The following FCHSD2 variants were observed in gnomAD, a reference collection of about 807,000 sequenced individuals.
FCHSD2 encodes F-BAR and double SH3 domains protein 2.
A neutral mutation model predicts 108.1 loss-of-function variants in FCHSD2; 38 were observed. The observed-to-expected ratio is 0.35, with a 90% CI of 0.27 to 0.46. The LOEUF (loss-of-function observed/expected upper bound fraction) is 0.46. Among genes scored for constraint, FCHSD2 ranks in the 20% least tolerant of loss-of-function variants. The pLI is 1.00. For synonymous variants in FCHSD2, 279 were observed against 314.7 expected (o/e 0.89, Z 1.20); for missense variants, 751 against 897.8 (o/e 0.84, Z 2.09).
At chr11:72,941,674 C>G (rs888277936) in intron 8 of FCHSD2, among the ~76,000 whole-genome samples, 4 of 152,012 alleles carry the variant, frequency 2.6e-5, no homozygotes, top group Non-Finnish European at 5.9e-5. Flanking sequence ...CATATATGTA[C>G]GTTTGTTTAA....
At chr11:72,985,413 CTAA>C (rs940007109) in intron 6 of FCHSD2, among the ~76,000 whole-genome samples, 2 of 150,730 alleles carry the variant, frequency 1.3e-5, no homozygotes, top group African/African-American at 4.9e-5. Context: ...TTGGTGTCTC[CTAA>C]TAAACAAGAG....
At position 73,082,066 on chromosome 11, in the gene FCHSD2, G is replaced by A. The variant is rs1050024514; in HGVS notation, c.165+1629C>T. Among the ~76,000 whole-genome samples the A allele has an allele frequency of 3.3e-5, 5 of 151,942 alleles. No homozygotes were observed. The East Asian group carries it at 7.7e-4, about 24-fold the overall frequency. On this transcript the variant is annotated intron_variant, in intron 3 of 19. Transcript: ENST00000409418. ...AAAAATACAAAAATCGGCTGGGCGC[G>A]GTGGCTCATGCCTGTAATCCCAGCA...
chr11:72,958,431 T>C (rs959646243), intron 8 of FCHSD2, among the ~76,000 whole-genome samples: 2 of 152,088 alleles, frequency 1.3e-5, no homozygotes, highest in African/African-American at 4.8e-5. Context: ...GGCAGGAGAA[T>C]CACTGGAACC....
chr11:72,892,908 A>AT (rs5792606), intron 10 of FCHSD2, among the ~76,000 whole-genome samples: 150,268 of 150,942 alleles, frequency 1, 74,798 homozygotes, highest in South Asian at 1. Context: ...GTGGCTGGTA[A>AT]TTTTTTTTTT....
At chr11:72,994,716 A>G (rs182313755) in intron 5 of FCHSD2, among the ~76,000 whole-genome samples, 2 of 152,264 alleles carry the variant, frequency 1.3e-5, no homozygotes, top group African/African-American at 4.8e-5. Flanking sequence ...CAGTGAGCCG[A>G]GATCATGCCA....
At chr11:72,871,547 T>G (rs992472237) in intron 12 of FCHSD2, among the ~76,000 whole-genome samples, 1 of 151,948 alleles carries the variant, frequency 6.6e-6, no homozygotes, top group Non-Finnish European at 1.5e-5. Context: ...CTAAGTAAAG[T>G]TCCACTCTCA....
At chr11:73,098,583 G>A (rs537743658) in intron 2 of FCHSD2, among the ~76,000 whole-genome samples, 1 of 151,950 alleles carries the variant, frequency 6.6e-6, no homozygotes, top group South Asian at 2.1e-4. Context: ...ATGGTTAGTT[G>A]GAATAGAATT....
intron 2 of FCHSD2, among the ~76,000 whole-genome samples, chr11:73,098,594 G>GATAGTCCAGGAAAAAAAAAAC (rs1276710083): frequency 6.6e-6 from 1 of 151,734 alleles, no homozygotes; most frequent in Non-Finnish European, 1.5e-5. Flanking sequence ...GAATAGAATT[G>GATAGTCCAGGAAAAAAAAAAC]ATAGTCCAGG....
chr11:73,091,270 G>A (rs1859950549), intron 2 of FCHSD2, among the ~76,000 whole-genome samples: 1 of 152,192 alleles, frequency 6.6e-6, no homozygotes, highest in South Asian at 2.1e-4. Flanking sequence ...CAGGCATGGT[G>A]GCTCACGCCT....
At chr11:72,948,838 T>C (rs1856569611) in intron 8 of FCHSD2, among the ~76,000 whole-genome samples, 2 of 152,068 alleles carry the variant, frequency 1.3e-5, no homozygotes, top group Non-Finnish European at 2.9e-5. Flanking sequence ...GCTAATTTTT[T>C]ATATTTTTAG....
intron 7 of FCHSD2, among the ~76,000 whole-genome samples, chr11:72,984,640 C>T (rs1276470175): frequency 6.6e-6 from 1 of 152,184 alleles, no homozygotes; most frequent in African/African-American, 2.4e-5. Flanking sequence ...CAGCCACAGC[C>T]AGGTCTCTAA....
intron 3 of FCHSD2, among the ~76,000 whole-genome samples, chr11:73,061,177 TG>T (rs551508544): frequency 3.7e-4 from 57 of 152,130 alleles, no homozygotes; most frequent in African/African-American, 1.3e-3. Flanking sequence ...CGAAGCAGGG[TG>T]GGGGGTCACC....
intron 13 of FCHSD2, among the ~76,000 whole-genome samples, chr11:72,860,506 A>G (rs1861541370): frequency 6.6e-6 from 1 of 152,226 alleles, no homozygotes; most frequent in Non-Finnish European, 1.5e-5. Context: ...TTGGAAATTC[A>G]GTAACACACT....
At chr11:72,902,671 A>C in intron 9 of FCHSD2, 33 bp from the exon 10 acceptor site, 6 of 1,338,446 alleles carry the variant, frequency 4.5e-6, no homozygotes, top group Non-Finnish European at 6.3e-6. Context: ...TTAGGTCTTT[A>C]ATGAGGTTAA....
At chr11:73,026,217 A>C (rs1342807075) in intron 3 of FCHSD2, among the ~76,000 whole-genome samples, 3 of 152,136 alleles carry the variant, frequency 2.0e-5, no homozygotes, top group Admixed American at 2.0e-4. Context: ...GGGCTCAAGC[A>C]GTCCACCTAC....
intron 8 of FCHSD2, among the ~76,000 whole-genome samples, chr11:72,967,320 G>A (rs934556439): frequency 1.3e-5 from 2 of 151,960 alleles, no homozygotes; most frequent in Non-Finnish European, 2.9e-5. Flanking sequence ...TGAGAATAGA[G>A]ATAGGCTGGT....
At chr11:72,893,041 C>T (rs901405974) in intron 10 of FCHSD2, among the ~76,000 whole-genome samples, 2 of 152,004 alleles carry the variant, frequency 1.3e-5, no homozygotes, top group African/African-American at 4.8e-5. Context: ...CTCTGTCACC[C>T]AGACTGGAGT....
intron 3 of FCHSD2, among the ~76,000 whole-genome samples, chr11:73,036,531 GATGAGTACA>G (rs1247936545): frequency 7.9e-5 from 12 of 152,132 alleles, no homozygotes; most frequent in African/African-American, 2.9e-4. Flanking sequence ...TAAATTTAAT[GATGAGTACA>G]ATGACTAGCA....
At chr11:72,888,770 G>A (rs941614317) in intron 11 of FCHSD2, among the ~76,000 whole-genome samples, 58 of 151,762 alleles carry the variant, frequency 3.8e-4, no homozygotes, top group African/African-American at 1.4e-3. Flanking sequence ...ATAGGTGTGC[G>A]CCCCCATGCC....
Sources: allele counts gnomAD v4.1 joint callset (sites outside exome capture counted in the v4.1 genomes callset), GRCh38; gene constraint gnomAD v4.1.1; transcripts MANE v1.5; gene names NCBI Gene and HGNC (gene_info 2026-07-23, HGNC 2026-07-21).